The following FGD5 variants were observed in gnomAD, a reference collection of about 807,000 sequenced individuals.
FGD5 encodes the protein FYVE, RhoGEF and PH domain containing 5.
FGD5 carries 28 observed loss-of-function variants against 133.4 expected under a neutral mutation model. That is an observed-to-expected ratio of 0.21 (90% confidence interval 0.16 to 0.29). The LOEUF is 0.29. FGD5 is among the 10% of genes least tolerant of loss of function. The pLI is 1.00. For synonymous variants in FGD5, 810 were observed against 776.5 expected (o/e 1.04, Z -0.72); for missense variants, 1,858 against 1,895.2 (o/e 0.98, Z 0.36).
chr3:14,874,870 C>T (rs1028743036), intron 2 of FGD5, among the ~76,000 whole-genome samples: 3 of 152,238 alleles, frequency 2.0e-5, no homozygotes, highest in African/African-American at 7.2e-5. Flanking sequence ...TCAGCATGAT[C>T]TGGAAACTGA....
chr3:14,850,682 C>T (rs965709989), intron 1 of FGD5, among the ~76,000 whole-genome samples: 8 of 151,932 alleles, frequency 5.3e-5, no homozygotes, highest in South Asian at 4.2e-4. Context: ...AATATAGGAA[C>T]GTAAATTAAC....
At chr3:14,928,297 G>T (rs993742882) in intron 18 of FGD5, among the ~76,000 whole-genome samples, 1 of 152,008 alleles carries the variant, frequency 6.6e-6, no homozygotes, top group African/African-American at 2.4e-5. Flanking sequence ...TTCTCGAACT[G>T]CTGGTCTCAA....
intron 18 of FGD5, chr3:14,931,953 G>A (rs1324004083): frequency 6.6e-6 from 1 of 152,142 alleles, no homozygotes; most frequent in Non-Finnish European, 1.5e-5. Context: ...TTGAGCCTTG[G>A]TTTCTTCTTA....
intron 2 of FGD5, among the ~76,000 whole-genome samples, chr3:14,867,728 T>C (rs559709031): frequency 6.6e-6 from 1 of 152,136 alleles, no homozygotes; most frequent in Non-Finnish European, 1.5e-5. Flanking sequence ...AGAAGGGTCA[T>C]GTCTCCATCC....
In FGD5 at chr3:14,922,615, C is replaced by A; in HGVS notation, c.3807+67C>A. ...GGTGGGGGAAGGGCATGTCCCTGCC[C>A]AGCCGGGGGCTCAGGGATGTCCAGC... is the stretch of plus-strand genomic sequence containing the variant. On this transcript the variant is annotated intron_variant, in intron 15 of 19. Transcript: ENST00000285046. The surrounding 1 kb of genome is among the most constrained non-coding windows in gnomAD (Gnocchi z 4.1). 6.6e-7 allele frequency: 1 copy of A among 1,516,458 alleles called. No homozygotes were observed. The allele number at this position is 1,516,458 out of a possible 1,614,324, so 93.9% of individuals were successfully genotyped here.
At position 14,900,436 on chromosome 3, in the gene FGD5, A is replaced by G; in HGVS notation, c.3188A>G (p.Glu1063Gly). ...AACAACCTTTGTCCGGACTCCGCCG[A>G]GTACGACAACACACAGGGTGAGTCC... ...YLNNLCPDSAEYDNTQGALSL... is the reference protein window; with the variant it reads ...YLNNLCPDSAGYDNTQGALSL... Residue 1063 changes from glutamate to glycine, a missense_variant, in exon 8 of 20, where the codon GAG becomes GGG. By Grantham distance (98) the Glu-to-Gly change is moderately conservative (BLOSUM62 -2). Transcript: ENST00000285046. 1 of 1,613,580 alleles carries G rather than the reference A, an allele frequency of 6.2e-7. No homozygotes were observed. The highest frequency in any genetic ancestry group is 8.5e-7 in the Non-Finnish European group (1 of 1,179,750).
chr3:14,858,410 G>A (rs2037330726), intron 1 of FGD5, among the ~76,000 whole-genome samples: 1 of 151,968 alleles, frequency 6.6e-6, no homozygotes, highest in African/African-American at 2.4e-5. Flanking sequence ...TAGATGAATA[G>A]ATAGATGGGT....
chr3:14,815,166 C>T (rs539882307), upstream of FGD5, among the ~76,000 whole-genome samples: 35 of 152,290 alleles, frequency 2.3e-4, no homozygotes, highest in African/African-American at 8.2e-4. Context: ...GCATAATCTG[C>T]ACCCTCCTAT....
chr3:14,821,208 C>T lies in FGD5; in HGVS notation c.2137C>T (p.Leu713Phe). ...TCAGCTTAAGTCTCGGACTGGGAAG[C>T]TCCGGGCTTCTGAATCCCCCTCCTC... ...SPQLKSRTGK[L>F]RASESPSSLI... Residue 713 changes from leucine to phenylalanine, a missense_variant, in exon 1 of 20, where the codon CTC becomes TTC. Physicochemically the swap from Leu to Phe is conservative, Grantham distance 22. Transcript: ENST00000285046. 1 of 1,613,952 alleles carries T rather than the reference C, an allele frequency of 6.2e-7. No individual in the cohort carries two copies. Among genetic ancestry groups the T allele is most frequent in the Non-Finnish European group, 8.5e-7 (1 of 1,179,884 alleles).
At position 14,922,178 on chromosome 3, in the gene FGD5, C is replaced by T. The variant is rs1028173183; in HGVS notation, c.3669+161C>T. ...GCCATGCTCCCACCCTAGTCAGGGGCGGCCTCCGTGTAACCTAGGAGCCCA... is the reference window on the plus strand; with the variant it reads ...GCCATGCTCCCACCCTAGTCAGGGGTGGCCTCCGTGTAACCTAGGAGCCCA... On this transcript the variant is annotated intron_variant, in intron 14 of 19. Transcript: ENST00000285046. The surrounding 1 kb of genome is among the most constrained non-coding windows in gnomAD (Gnocchi z 4.1). 2.9e-5 allele frequency: 28 copies of T among 974,398 alleles called. No homozygotes were observed. The highest frequency in any genetic ancestry group is 6.5e-5 in the African/African-American group (4 of 61,816). 60.4% of individuals were successfully genotyped at this position (974,398 alleles called of 1,614,324 possible).
intron 10 of FGD5, among the ~76,000 whole-genome samples, chr3:14,909,304 A>G (rs1169606636): frequency 6.6e-6 from 1 of 152,208 alleles, no homozygotes; most frequent in Non-Finnish European, 1.5e-5. Flanking sequence ...ACAACAGAAT[A>G]CTTCATAGGC....
rs747041589 is a variant in FGD5 at position 14,917,297 on chromosome 3, C to T, written c.3454C>T (p.Arg1152Trp). ...CTATCCCCAGAAGGATGGGAAGTACCGGCTGAAGAACACATTGGCTGTGGC... is the reference window on the plus strand; with the variant it reads ...CTATCCCCAGAAGGATGGGAAGTACTGGCTGAAGAACACATTGGCTGTGGC... ...YTYPQKDGKY[R>W]LKNTLAVANM... Residue 1152 changes from arginine (R) to tryptophan (W), a missense_variant, in exon 12 of 20, where the codon CGG becomes TGG. Around this residue, in one of 3 missense-constraint regions of FGD5, gnomAD observed 1,824 missense variants for 1,848.9 expected, o/e 0.99. Transcript: ENST00000285046. This position sits in a 1 kb window ranked among gnomAD's most constrained non-coding sequence, Gnocchi z 4.1. 53 of 1,613,470 alleles carry T rather than the reference C, an allele frequency of 3.3e-5. No individual in the cohort carries two copies. The highest frequency in any genetic ancestry group is 1.6e-4 in the Middle Eastern group (1 of 6,084).
chr3:14,878,722 A>G (rs1271517991), intron 2 of FGD5, among the ~76,000 whole-genome samples: 3 of 145,682 alleles, frequency 2.1e-5, no homozygotes, highest in Non-Finnish European at 4.5e-5. Context: ...TCCAAAGCCC[A>G]TGCTTTTTTT....
intron 4 of FGD5, among the ~76,000 whole-genome samples, chr3:14,885,781 T>G (rs2037915127): frequency 6.6e-6 from 1 of 152,140 alleles, no homozygotes; most frequent in Non-Finnish European, 1.5e-5. Flanking sequence ...CCATACCCTA[T>G]GAGTTAAGAC....
chr3:14,924,633 A>G (rs768521876), intron 17 of FGD5, among the ~76,000 whole-genome samples: 1 of 152,240 alleles, frequency 6.6e-6, no homozygotes, highest in Non-Finnish European at 1.5e-5. Flanking sequence ...CCACAGACCA[A>G]TGTATGTCTG....
At chr3:14,913,945 T>TC (rs76596913) in intron 11 of FGD5, among the ~76,000 whole-genome samples, 7,584 of 150,974 alleles carry the variant, frequency 0.05, 298 homozygotes, top group East Asian at 0.2. Flanking sequence ...TTCCCCACAC[T>TC]CCCCCCGTCT....
chr3:14,880,431 A>G, intron 2 of FGD5, 141 bp from the exon 3 acceptor site: 1 of 647,710 alleles, frequency 1.5e-6, no homozygotes, highest in Non-Finnish European at 2.7e-6. Flanking sequence ...GAGAGGTTAA[A>G]TAAGTTGTTG....
At chr3:14,877,067 A>G (rs1454816603) in intron 2 of FGD5, among the ~76,000 whole-genome samples, 5 of 152,150 alleles carry the variant, frequency 3.3e-5, no homozygotes, top group South Asian at 2.1e-4. Context: ...TGCCATAGCA[A>G]TAGCATGGGC....
intron 1 of FGD5, among the ~76,000 whole-genome samples, chr3:14,844,338 C>G (rs1382979644): frequency 2.9e-5 from 4 of 140,062 alleles, no homozygotes; most frequent in Non-Finnish European, 6.1e-5. Flanking sequence ...GCTGCACAAT[C>G]TGCATTTGTA....
Sources: allele counts gnomAD v4.1 joint callset (sites outside exome capture counted in the v4.1 genomes callset), GRCh38; gene constraint gnomAD v4.1.1; regional missense constraint gnomAD v4.1.1; non-coding constraint Gnocchi (gnomAD v3.1); transcripts MANE v1.5; gene names NCBI Gene and HGNC (gene_info 2026-07-23, HGNC 2026-07-21).